The following VDAC1 variants were observed in gnomAD, a reference collection of about 807,000 sequenced individuals.
VDAC1 encodes non-selective voltage-gated ion channel VDAC1.
VDAC1 carries 10 observed loss-of-function variants against 34.7 expected under a neutral mutation model. That is an observed-to-expected ratio of 0.29 (90% CI 0.18 to 0.49). The LOEUF (loss-of-function observed/expected upper bound fraction) is 0.49. Ranked by LOEUF, VDAC1 falls within the 20% of genes least tolerant of loss-of-function variation. The pLI, the probability that VDAC1 is intolerant of heterozygous loss-of-function variation, is 0.99. For synonymous variants in VDAC1, 130 were observed against 136.0 expected (o/e 0.96, Z 0.30); for missense variants, 230 against 347.9 (o/e 0.66, Z 2.69).
At chr5:134,104,604 C>T in the VDAC1 span, among the ~76,000 whole-genome samples, 1 of 152,154 alleles carries the variant, frequency 6.6e-6, no homozygotes, top group Non-Finnish European at 1.5e-5. Flanking sequence ...TTTTAACCTC[C>T]CTCCCCCACC....
At chr5:133,975,019 A>C (rs527965200) in intron 7 of VDAC1, among the ~76,000 whole-genome samples, 2 of 152,250 alleles carry the variant, frequency 1.3e-5, no homozygotes, top group African/African-American at 2.4e-5. Context: ...TGTAATCCCA[A>C]CATTTGGGAG....
chr5:134,023,308 C>G, the VDAC1 span, among the ~76,000 whole-genome samples: 2 of 151,912 alleles, frequency 1.3e-5, no homozygotes, highest in East Asian at 3.9e-4. Context: ...GGGAACATCA[C>G]ACACTGGGGT....
At chr5:134,092,590 C>T in the VDAC1 span, among the ~76,000 whole-genome samples, 1 of 151,450 alleles carries the variant, frequency 6.6e-6, no homozygotes, top group Non-Finnish European at 1.5e-5. Context: ...GCAGGAGAAT[C>T]GCTTGAACCC....
At chr5:133,980,589 A>C in intron 6 of VDAC1, 140 bp downstream of exon 6, 1 of 729,206 alleles carries the variant, frequency 1.4e-6, no homozygotes. Context: ...TGGCTCATCT[A>C]ATGCCAACAA....
chr5:134,090,829 T>C, the VDAC1 span, among the ~76,000 whole-genome samples: 7 of 152,226 alleles, frequency 4.6e-5, no homozygotes, highest in African/African-American at 1.7e-4. Context: ...ACACTTACAA[T>C]AACAGTTTAA....
At chr5:133,987,415 C>T (rs1752948015) in intron 5 of VDAC1, among the ~76,000 whole-genome samples, 1 of 152,070 alleles carries the variant, frequency 6.6e-6, no homozygotes, top group Non-Finnish European at 1.5e-5. Flanking sequence ...TGGTGGCTCA[C>T]ACCTGTAATC....
At chr5:133,986,265 A>T (rs989024014) in intron 5 of VDAC1, among the ~76,000 whole-genome samples, 1 of 152,082 alleles carries the variant, frequency 6.6e-6, no homozygotes, top group Admixed American at 6.6e-5. Context: ...TCCTCCTGGG[A>T]GCCAGGTGTT....
chr5:134,033,685 A>G, the VDAC1 span, among the ~76,000 whole-genome samples: 1 of 151,546 alleles, frequency 6.6e-6, no homozygotes, highest in Non-Finnish European at 1.5e-5. Context: ...AAAAAAAAAA[A>G]AAAGTAAAAA....
chr5:134,053,025 GA>G, the VDAC1 span, among the ~76,000 whole-genome samples: 17 of 152,334 alleles, frequency 1.1e-4, no homozygotes, highest in African/African-American at 4.1e-4. Flanking sequence ...TGAGGCAGGA[GA>G]ATCCCTTGAA....
the VDAC1 span, among the ~76,000 whole-genome samples, chr5:134,102,488 G>A: frequency 6.6e-6 from 1 of 152,026 alleles, no homozygotes; most frequent in Admixed American, 6.6e-5. Context: ...GACCAACATG[G>A]AGAAACCCCG....
At chr5:134,039,441 G>A in the VDAC1 span, among the ~76,000 whole-genome samples, 5 of 152,194 alleles carry the variant, frequency 3.3e-5, no homozygotes, top group South Asian at 2.1e-4. Context: ...CCATTCTCCC[G>A]CCTCAGCCTT....
At chr5:134,094,084 G>C in the VDAC1 span, among the ~76,000 whole-genome samples, 1 of 152,238 alleles carries the variant, frequency 6.6e-6, no homozygotes, top group African/African-American at 2.4e-5. Flanking sequence ...CGGTGAAGTG[G>C]GGGGCGGTGG....
intron 1 of VDAC1, among the ~76,000 whole-genome samples, chr5:133,994,884 G>C (rs1042765893): frequency 7.2e-5 from 11 of 152,090 alleles, no homozygotes; most frequent in African/African-American, 2.4e-5. Context: ...GGTAATATCT[G>C]TGGGTCACCT....
chr5:134,053,192 A>G, the VDAC1 span, among the ~76,000 whole-genome samples: 1 of 152,236 alleles, frequency 6.6e-6, no homozygotes, highest in Admixed American at 6.5e-5. Context: ...GTTTGAATTC[A>G]GATCAGACTG....
intron 6 of VDAC1, among the ~76,000 whole-genome samples, chr5:133,979,773 C>T (rs749651192): frequency 1.7e-4 from 26 of 152,106 alleles, no homozygotes; most frequent in Non-Finnish European, 3.1e-4. Context: ...TTTTAACACA[C>T]GTACACAGAT....
chr5:134,102,397 G>T, the VDAC1 span, among the ~76,000 whole-genome samples: 1 of 150,644 alleles, frequency 6.6e-6, no homozygotes, highest in Non-Finnish European at 1.5e-5. Flanking sequence ...GGCCTGGCGC[G>T]GTGGCTCAAG....
the VDAC1 span, among the ~76,000 whole-genome samples, chr5:134,019,222 G>A: frequency 1.2e-4 from 18 of 152,170 alleles, no homozygotes; most frequent in Non-Finnish European, 2.4e-4. Flanking sequence ...AGGGAAGGCC[G>A]TGAAGGGAAG....
At chr5:134,106,224 G>A in the VDAC1 span, among the ~76,000 whole-genome samples, 1 of 152,328 alleles carries the variant, frequency 6.6e-6, no homozygotes, top group East Asian at 1.9e-4. Flanking sequence ...CCAAGCTCAT[G>A]TGGCTGTGGT....
At chr5:133,986,460 C>T (rs1752910457) in intron 5 of VDAC1, among the ~76,000 whole-genome samples, 1 of 151,902 alleles carries the variant, frequency 6.6e-6, no homozygotes, top group South Asian at 2.1e-4. Context: ...GCAGTGGTAC[C>T]ATCTCGGCTC....
Sources: gnomAD v4.1 joint callset for allele counts (sites outside exome capture counted in the v4.1 genomes callset) on GRCh38, gnomAD v4.1.1 for gene constraint, MANE v1.5 for transcripts, NCBI Gene and HGNC (gene_info 2026-07-23, HGNC 2026-07-21) for gene names.